Variants in B4GALNT1 observed in about 807,000 individuals in gnomAD.
The protein encoded by B4GALNT1 is beta-1,4 N-acetylgalactosaminyltransferase 1.
In B4GALNT1, 43 loss-of-function variants were observed where a neutral mutation model predicts 55.2. The ratio of observed to expected loss-of-function variants is 0.78; its 90% confidence interval spans 0.61 to 1.00. The LOEUF is 1.00. B4GALNT1 is among the 50% of genes least tolerant of loss of function. B4GALNT1 has a pLI of 0.00. For missense variants in B4GALNT1, 664 were observed against 729.7 expected, an observed-to-expected ratio of 0.91 and a Z score of 1.04; for synonymous variants, 305 against 311.6, an observed-to-expected ratio of 0.98 and a Z score of 0.22.
In B4GALNT1 at chr12:57,626,530, G is replaced by A. The variant is rs1594975589; in HGVS notation, c.*214C>T. ...GGACTTGGCACTGGCTGTGGGAGAGGTTATGGCTCCACCAGGCCTCTGGGC... is the reference window on the plus strand; with the variant it reads ...GGACTTGGCACTGGCTGTGGGAGAGATTATGGCTCCACCAGGCCTCTGGGC... On this transcript the variant is annotated 3_prime_UTR_variant, in exon 11 of 11. Transcript: ENST00000341156. 1.7e-6 allele frequency: 1 copy of A among 594,822 alleles called. No individual in the cohort carries two copies. Among genetic ancestry groups the A allele is most frequent in the Non-Finnish European group, 3.0e-6 (1 of 335,804 alleles). 36.8% of individuals were successfully genotyped at this position (594,822 alleles called of 1,614,324 possible).
chr12:57,623,599 G>A lies in B4GALNT1; in HGVS notation c.*3145C>T. 1 of 545,076 alleles carries A rather than the reference G, an allele frequency of 1.8e-6. No individual in the cohort carries two copies. 33.8% of individuals were successfully genotyped at this position (545,076 alleles called of 1,614,324 possible). ...GGTGGAGGTGGGCTACAAAACTGGG[G>A]AACTTGAACAATGGACATCTACAAG... On this transcript the variant is annotated 3_prime_UTR_variant, in exon 11 of 11. Coordinates refer to ENST00000341156, the MANE Select transcript of B4GALNT1 (RefSeq NM_001478.5).
In B4GALNT1 at chr12:57,631,146, G is replaced by C. The variant is rs535624016; in HGVS notation, c.383+54C>G. 3.8e-5 allele frequency: 61 copies of C among 1,611,604 alleles called. No individual in the cohort carries two copies. In the African/African-American group the frequency reaches 4.9e-4, roughly 13 times the overall value. On this transcript the variant is annotated intron_variant, in intron 3 of 10. Transcript: ENST00000341156. ...CGGGGGGAGAGGGTCTCTCCCTCCC[G>C]GCACAATCACTGCTCTCCCCCTGAG...
rs1161420842 is a variant in B4GALNT1 at position 57,630,883 on chromosome 12, C to CCTCCCATTCCAATCAT, written c.490+81_490+96dup. 26 of 1,213,854 alleles carry CCTCCCATTCCAATCAT rather than the reference C, an allele frequency of 2.1e-5. No homozygotes were observed. The African/African-American group carries it at 3.5e-4, about 16-fold the overall frequency. 75.2% of individuals were successfully genotyped at this position (1,213,854 alleles called of 1,614,324 possible). A position where few individuals can be genotyped will look rare whatever the true frequency, so the allele number is the denominator to read the frequency against. On this transcript the variant is annotated intron_variant, in intron 4 of 10. Transcript: ENST00000341156. ...GTCCCCCATTCATCAGAGGTTCCCA[C>CCTCCCATTCCAATCAT]CTCCCATTCCAATCATCTCCCATTC...
rs771169145 is a variant in B4GALNT1, at chr12:57,625,446, C to T, written c.*1298G>A. ...ATGTCGAGATGCTAGGATCCGCCTC[C>T]TCCTGGCTCAGTGTAATGGTGAGAT... On this transcript the variant is annotated 3_prime_UTR_variant, in exon 11 of 11. Transcript: ENST00000341156. 10 of 1,614,200 alleles carry T rather than the reference C, an allele frequency of 6.2e-6. No individual in the cohort carries two copies. The highest frequency in any genetic ancestry group is 8.5e-6 in the Non-Finnish European group (10 of 1,180,028).
chr12:57,627,060 G>A, intron 10 of B4GALNT1, 99 bp from the exon 11 acceptor site: 2 of 1,025,236 alleles, frequency 2.0e-6, no homozygotes, highest in African/African-American at 3.2e-5. Flanking sequence ...AAGTGTGTGT[G>A]CAAAGGCTTG....
In B4GALNT1 at chr12:57,628,925, T is replaced by G. The variant is rs769644055; in HGVS notation, c.812-22A>C. On this transcript the variant is annotated intron_variant, in intron 7 of 10. Coordinates refer to ENST00000341156, the MANE Select transcript of B4GALNT1 (RefSeq NM_001478.5). ...TGGGCTGAGATTGGGGGCACAGGGT[T>G]GGGTGCAGACAAGGAGGGTTGGGAG... 7.4e-6 allele frequency: 12 copies of G among 1,613,894 alleles called. No homozygotes were observed. The African/African-American group carries it at 1.6e-4, about 22-fold the overall frequency.
rs1884643109 is a variant in B4GALNT1, at chr12:57,624,126, C to T, written c.*2618G>A. ...GAGAAATGCCATTACCCCCAGATTG[C>T]CCCCTCTCATCTTGTTAGCATCCCC... is the stretch of plus-strand genomic sequence containing the variant. On this transcript the variant is annotated 3_prime_UTR_variant, in exon 11 of 11. Transcript: ENST00000341156. 1.2e-6 allele frequency: 2 copies of T among 1,606,538 alleles called. No individual in the cohort carries two copies. Among genetic ancestry groups the T allele is most frequent in the South Asian group, 2.2e-5 (2 of 90,686 alleles).
chr12:57,629,267 G>C, intron 6 of B4GALNT1, 121 bp from the exon 7 acceptor site: 1 of 794,816 alleles, frequency 1.3e-6, no homozygotes, highest in Non-Finnish European at 1.9e-6. Context: ...GACAAGAACA[G>C]AAGGTTCTTA....
Position 57,631,961 on chromosome 12 carries a change from G to A in B4GALNT1, c.172C>T (p.Pro58Ser). The change falls in exon 2 of 11, where the codon CCC (proline) becomes TCC (serine). Residue 58 changes from proline (P) to serine (S), a missense_variant. By Grantham distance (74) the Pro-to-Ser change is moderately conservative. Coordinates refer to ENST00000341156, the MANE Select transcript of B4GALNT1 (RefSeq NM_001478.5). ...RPELPDLAPE[P>S]RYAHIPVRIK... ...CTGACCGGGATGTGTGCGTAGCGGG[G>A]CTCAGGAGCAAGATCTGGCAGCTCG... is the stretch of plus-strand genomic sequence containing the variant. The A allele has an allele frequency of 6.9e-7, 1 of 1,457,374 alleles. No individual in the cohort carries two copies. Among genetic ancestry groups the A allele is most frequent in the South Asian group, 1.5e-5 (1 of 65,480 alleles). 90.3% of individuals were successfully genotyped at this position (1,457,374 alleles called of 1,614,324 possible).
At position 57,624,201 on chromosome 12, in the gene B4GALNT1, C is replaced by T; in HGVS notation, c.*2543G>A. On this transcript the variant is annotated 3_prime_UTR_variant, in exon 11 of 11. Transcript: ENST00000341156. The stretch of plus-strand genomic sequence containing the variant: ...ATTGTCCTGGTCTTAAGTTCTGCAA[C>T]CCACCCACTCCCCCAGCAAACATAA... 2 of 1,039,708 alleles carry T rather than the reference C, an allele frequency of 1.9e-6. No homozygotes were observed. Among genetic ancestry groups the T allele is most frequent in the Non-Finnish European group, 2.9e-6 (2 of 697,900 alleles). 64.4% of individuals were successfully genotyped at this position (1,039,708 alleles called of 1,614,324 possible). A position where few individuals can be genotyped will look rare whatever the true frequency, so the allele number is the denominator to read the frequency against.
Position 57,624,221 on chromosome 12 carries a change from A to C in B4GALNT1, c.*2523T>G. 1.1e-6 allele frequency: 1 copy of C among 874,924 alleles called. No individual in the cohort carries two copies. The highest frequency in any genetic ancestry group is 1.8e-6 in the Non-Finnish European group (1 of 556,286). 54.2% of individuals were successfully genotyped at this position (874,924 alleles called of 1,614,324 possible). ...TGCAACCCACCCACTCCCCCAGCAA[A>C]CATAACTCCTAGTATGCTTTACTCA... On this transcript the variant is annotated 3_prime_UTR_variant, in exon 11 of 11. Transcript: ENST00000341156.
In B4GALNT1 at chr12:57,624,130, C is replaced by T. The variant is rs377348471; in HGVS notation, c.*2614G>A. 6.2e-7 allele frequency: 1 copy of T among 1,606,088 alleles called. No homozygotes were observed. The highest frequency in any genetic ancestry group is 8.5e-7 in the Non-Finnish European group (1 of 1,173,700). On this transcript the variant is annotated 3_prime_UTR_variant, in exon 11 of 11. Coordinates refer to ENST00000341156, the MANE Select transcript of B4GALNT1 (RefSeq NM_001478.5). Reference sequence around the variant, plus strand: ...AATGCCATTACCCCCAGATTGCCCCCTCTCATCTTGTTAGCATCCCCAGCC... The same window carrying T: ...AATGCCATTACCCCCAGATTGCCCCTTCTCATCTTGTTAGCATCCCCAGCC...
Position 57,623,741 on chromosome 12 carries a change from C to T in B4GALNT1, c.*3003G>A, listed in dbSNP as rs77704265. The T allele has an allele frequency of 1.9e-3, 2,048 of 1,075,594 alleles. 39 individuals carry two copies. In the East Asian group the frequency reaches 0.042, roughly 22 times the overall value. 66.6% of individuals were successfully genotyped at this position (1,075,594 alleles called of 1,614,324 possible). A position where few individuals can be genotyped will look rare whatever the true frequency, so the allele number is the denominator to read the frequency against. On this transcript the variant is annotated 3_prime_UTR_variant, in exon 11 of 11. Transcript: ENST00000341156. ...GGAGATTTGGGAGAAGGGAGACTTC[C>T]GAGGAAGATTAGGCAGAGTGGGCAG...
At position 57,628,264 on chromosome 12, in the gene B4GALNT1, T is replaced by C. The variant is rs763991428; in HGVS notation, c.1003-2A>G. On this transcript the variant is annotated splice_acceptor_variant, in intron 8 of 10. Coordinates refer to ENST00000341156, the MANE Select transcript of B4GALNT1 (RefSeq NM_001478.5). LOFTEE classifies it high-confidence loss of function. ...CAGGTTCCGGCCTGCGAACCAGCCC[T>C]GGCAGAAAGGTGTGTGTGGTTGGGG... 1.2e-6 allele frequency: 2 copies of C among 1,614,244 alleles called. No individual in the cohort carries two copies. The highest frequency in any genetic ancestry group is 2.2e-5 in the East Asian group (1 of 44,884).
chr12:57,624,436 C>T lies in B4GALNT1; in HGVS notation c.*2308G>A. 1 of 598,780 alleles carries T rather than the reference C, an allele frequency of 1.7e-6. No homozygotes were observed. The highest frequency in any genetic ancestry group is 3.2e-6 in the Non-Finnish European group (1 of 308,898). 37.1% of individuals were successfully genotyped at this position (598,780 alleles called of 1,614,324 possible). On this transcript the variant is annotated 3_prime_UTR_variant, in exon 11 of 11. Transcript: ENST00000341156. The stretch of plus-strand genomic sequence containing the variant: ...CCTTGGTAGTCACTGCCCTGGATCT[C>T]TTTACCCAGCAGTGATGGCCTGGCT...
Position 57,627,739 on chromosome 12 carries a change from G to C in B4GALNT1, c.1263C>G (p.His421Gln). Reference sequence around the variant, plus strand: ...CGCAGCCTGGGAAGCCGACGAGCTCGTGGTGGAAGCCGCGCCTTTGCCGGA... The same window carrying C: ...CGCAGCCTGGGAAGCCGACGAGCTCCTGGTGGAAGCCGCGCCTTTGCCGGA... ...NCLRQRRGFH[H>Q]ELVGFPGCVV... is the part of the protein sequence containing the mutation. The change falls in exon 10 of 11, where the codon CAC becomes CAG. Residue 421 changes from histidine to glutamine, a missense_variant. His to Gln is a conservative substitution (Grantham distance 24). Transcript: ENST00000341156. 1 of 1,610,446 alleles carries C rather than the reference G, an allele frequency of 6.2e-7. No individual in the cohort carries two copies. The highest frequency in any genetic ancestry group is 8.5e-7 in the Non-Finnish European group (1 of 1,178,238).
chr12:57,627,735 G>A lies in B4GALNT1; in HGVS notation c.1267C>T (p.Leu423Phe), dbSNP rs1884924903. ...LRQRRGFHHELVGFPGCVVTD... is the reference protein window; with the variant it reads ...LRQRRGFHHEFVGFPGCVVTD... ...ACCACGCAGCCTGGGAAGCCGACGA[G>A]CTCGTGGTGGAAGCCGCGCCTTTGC... is the stretch of plus-strand genomic sequence containing the variant. The change falls in exon 10 of 11, where the codon CTC (leucine) becomes TTC (phenylalanine). Residue 423 changes from leucine to phenylalanine, a missense_variant. Physicochemically the swap from Leu to Phe is conservative, Grantham distance 22. Coordinates refer to ENST00000341156, the MANE Select transcript of B4GALNT1 (RefSeq NM_001478.5). 3.1e-6 allele frequency: 5 copies of A among 1,611,474 alleles called. No individual in the cohort carries two copies. The highest frequency in any genetic ancestry group is 4.2e-6 in the Non-Finnish European group (5 of 1,178,738).
rs370152742 is a variant in B4GALNT1, at chr12:57,625,538, G to A, written c.*1206C>T. 1.1e-3 allele frequency: 1,730 copies of A among 1,612,184 alleles called. 1 individual carries two copies. Among genetic ancestry groups the A allele is most frequent in the Non-Finnish European group, 1.4e-3 (1,659 of 1,178,788 alleles). On this transcript the variant is annotated 3_prime_UTR_variant, in exon 11 of 11. Coordinates refer to ENST00000341156, the MANE Select transcript of B4GALNT1 (RefSeq NM_001478.5). ...ACACCTGCGGTAGGGAAAAGGACCC[G>A]GTGTGGACTTAGGGTCTCAGAGTCT...
chr12:57,631,091 C>G lies in B4GALNT1; in HGVS notation c.384-5G>C, dbSNP rs1885174660. ...TGGTCAGCTGGGGACTGGCTCCTGG[C>G]AGTGGAGGAAGGAGAGGACAGAGCA... On this transcript the variant is annotated splice_region_variant and splice_polypyrimidine_tract_variant and intron_variant, in intron 3 of 10. Coordinates refer to ENST00000341156, the MANE Select transcript of B4GALNT1 (RefSeq NM_001478.5). 1 of 1,609,894 alleles carries G rather than the reference C, an allele frequency of 6.2e-7. No individual in the cohort carries two copies. The highest frequency in any genetic ancestry group is 8.5e-7 in the Non-Finnish European group (1 of 1,178,152).
Sources: gnomAD v4.1 joint callset for allele counts on GRCh38, gnomAD v4.1.1 for gene constraint, MANE v1.5 for transcripts, NCBI Gene and HGNC (gene_info 2026-07-23, HGNC 2026-07-21) for gene names.